Variants in SYNE2 observed in about 807,000 individuals in gnomAD.
The protein encoded by SYNE2 is spectrin repeat containing nuclear envelope protein 2.
Under a neutral mutation model 856.3 loss-of-function variants are expected in SYNE2, and 431 were observed. That is an observed-to-expected ratio of 0.50 (90% confidence interval 0.47 to 0.55). The LOEUF is 0.55. Ranked by LOEUF, SYNE2 falls within the 20% of genes least tolerant of loss-of-function variation. The pLI is 0.00. For missense variants in SYNE2, 8,129 were observed against 8,023.2 expected (o/e 1.01, Z -0.50); for synonymous variants, 2,923 against 2,872.3 (o/e 1.02, Z -0.56).
intron 1 of SYNE2, among the ~76,000 whole-genome samples, chr14:63,794,545 G>C (rs1367280023): frequency 6.6e-6 from 1 of 151,938 alleles, no homozygotes; most frequent in Non-Finnish European, 1.5e-5. Flanking sequence ...CAACTACACA[G>C]AAAATCTTAC....
At chr14:64,162,424 G>C (rs887406658) in intron 88 of SYNE2, 148 bp downstream of exon 88, 5 of 834,600 alleles carry the variant, frequency 6.0e-6, no homozygotes, top group Non-Finnish European at 7.9e-6. Flanking sequence ...CATAGGCAAG[G>C]CTGGGAGGAC....
chr14:63,974,213 G>A (rs532697943), intron 11 of SYNE2, among the ~76,000 whole-genome samples: 1 of 152,316 alleles, frequency 6.6e-6, no homozygotes, highest in African/African-American at 2.4e-5. Flanking sequence ...ATTTGTGATT[G>A]ATCTTCATAT....
At chr14:64,093,766 A>G (rs1368387255) in intron 61 of SYNE2, among the ~76,000 whole-genome samples, 1 of 152,172 alleles carries the variant, frequency 6.6e-6, no homozygotes, top group African/African-American at 2.4e-5. Flanking sequence ...AATCCCAGAA[A>G]CTGAGCCAGG....
At chr14:64,015,625 A>G (rs944563282) in intron 32 of SYNE2, among the ~76,000 whole-genome samples, 1 of 152,002 alleles carries the variant, frequency 6.6e-6, no homozygotes, top group African/African-American at 2.4e-5. Flanking sequence ...TGATCTTTTA[A>G]AAGAACTAGC....
intron 1 of SYNE2, among the ~76,000 whole-genome samples, chr14:63,846,948 T>C (rs1890245157): frequency 6.6e-6 from 1 of 151,786 alleles, no homozygotes; most frequent in African/African-American, 2.4e-5. Flanking sequence ...TCTTCTGTTT[T>C]TGTTACTGAT....
rs2097513173 is a variant in SYNE2, at chr14:64,080,647, G to T, written c.11346+9G>T. On this transcript the variant is annotated intron_variant, in intron 56 of 115. Transcript: ENST00000555002. ...CCTCACAGTTGAATAAGGTATGGCT[G>T]TGACTCGTAATAGCTTCATATCATG... The T allele has an allele frequency of 6.2e-7, 1 of 1,613,610 alleles. No homozygotes were observed. Among genetic ancestry groups the T allele is most frequent in the African/African-American group, 1.3e-5 (1 of 74,912 alleles).
At chr14:63,827,625 CAAAAAAAAAAAAAAAAA>C (rs11334415) in intron 1 of SYNE2, among the ~76,000 whole-genome samples, 2 of 28,410 alleles carry the variant, frequency 7.0e-5, no homozygotes, top group Admixed American at 5.5e-4. Context: ...AACTCTGTCT[CAAAAAAAAAAAAAAAAA>C]AAAAAAAAAA....
intron 80 of SYNE2, among the ~76,000 whole-genome samples, chr14:64,140,392 G>C (rs2098129915): frequency 6.6e-6 from 1 of 152,226 alleles, no homozygotes; most frequent in Non-Finnish European, 1.5e-5. Context: ...ATACCAGCCT[G>C]ACAAACATGG....
chr14:64,093,858 T>C (rs764530565), intron 61 of SYNE2, among the ~76,000 whole-genome samples: 8 of 152,292 alleles, frequency 5.3e-5, no homozygotes, highest in Non-Finnish European at 8.8e-5. Context: ...GAATTTGCTC[T>C]GGTACCAAAG....
Position 64,214,214 on chromosome 14 carries a change from G to A in SYNE2, c.19077G>A (p.Glu6359=). The change falls in exon 106 of 116, where the codon GAG becomes GAA. Residue 6359 remains glutamate, a synonymous_variant. Transcript: ENST00000555002. ...TTTAGGGCTTGGAAGATGAAAAGGA[G>A]GCCTCTGAGAATGAAACAGACATGG... ...SCTPGLEDEK[E]ASENETDMED... is the part of the protein sequence containing the mutation. The A allele has an allele frequency of 1.9e-6, 3 of 1,614,158 alleles. No individual in the cohort carries two copies. The highest frequency in any genetic ancestry group is 1.3e-5 in the African/African-American group (1 of 75,030).
At chr14:63,792,005 GAT>G (rs1188293290) in intron 1 of SYNE2, among the ~76,000 whole-genome samples, 1 of 150,164 alleles carries the variant, frequency 6.7e-6, no homozygotes, top group Non-Finnish European at 1.5e-5. Flanking sequence ...TACATTGAAA[GAT>G]ATTTGTTTAA....
At chr14:63,936,363 G>A (rs1175773054) in intron 2 of SYNE2, among the ~76,000 whole-genome samples, 1 of 152,158 alleles carries the variant, frequency 6.6e-6, no homozygotes, top group Non-Finnish European at 1.5e-5. Context: ...TGTTAAAAGA[G>A]ATAAGTACCC....
intron 7 of SYNE2, among the ~76,000 whole-genome samples, chr14:63,951,415 G>A (rs1252729043): frequency 6.6e-6 from 1 of 152,114 alleles, no homozygotes; most frequent in African/African-American, 2.4e-5. Context: ...CAATTCTCCT[G>A]CCTCAGCCTC....
At chr14:64,060,888 G>GT (rs1442714828) in intron 49 of SYNE2, among the ~76,000 whole-genome samples, 2 of 152,168 alleles carry the variant, frequency 1.3e-5, no homozygotes, top group African/African-American at 4.8e-5. Context: ...TGCTGGCTGA[G>GT]TTTTGTCCTA....
At chr14:64,106,137 C>T (rs866004634) in intron 64 of SYNE2, among the ~76,000 whole-genome samples, 29 of 148,256 alleles carry the variant, frequency 2.0e-4, no homozygotes, top group African/African-American at 5.9e-4. Flanking sequence ...TCCAGACCCC[C>T]CCCCCCAACC....
intron 32 of SYNE2, among the ~76,000 whole-genome samples, chr14:64,013,364 A>C (rs1238000539): frequency 2.7e-5 from 4 of 150,894 alleles, no homozygotes; most frequent in Admixed American, 1.3e-4. Context: ...TTACAAGTGC[A>C]AATTTCTTAT....
At chr14:64,018,249 C>CT (rs1567065352) in intron 34 of SYNE2, among the ~76,000 whole-genome samples, 1 of 151,760 alleles carries the variant, frequency 6.6e-6, no homozygotes, top group South Asian at 2.1e-4. Flanking sequence ...TTTCTTTTCT[C>CT]TTTTTTTTGA....
At chr14:64,192,284 C>T (rs186476271) in intron 99 of SYNE2, among the ~76,000 whole-genome samples, 84 of 151,904 alleles carry the variant, frequency 5.5e-4, no homozygotes, top group African/African-American at 1.9e-3. Context: ...CCTTTATAGC[C>T]TAAGTCTTCT....
At chr14:63,998,363 CA>C in intron 26 of SYNE2, 35 bp downstream of exon 26, 1 of 1,420,738 alleles carries the variant, frequency 7.0e-7, no homozygotes, top group East Asian at 2.3e-5. Context: ...GAAAATCCAC[CA>C]GAAGTCTTTC....
Sources: allele counts gnomAD v4.1 joint callset (sites outside exome capture counted in the v4.1 genomes callset), GRCh38; gene constraint gnomAD v4.1.1; transcripts MANE v1.5; gene names NCBI Gene and HGNC (gene_info 2026-07-23, HGNC 2026-07-21).